The following HCN1 variants were observed in gnomAD, a reference collection of about 807,000 sequenced individuals.
HCN1 encodes hyperpolarization activated cyclic nucleotide gated potassium channel 1, also known as potassium/sodium hyperpolarization-activated cyclic nucleotide-gated channel 1.
A neutral mutation model predicts 78.9 loss-of-function variants in HCN1; 13 were observed. The observed-to-expected ratio is 0.16, with a 90% CI of 0.11 to 0.26. The LOEUF is 0.26. Among genes scored for constraint, HCN1 ranks in the 10% least tolerant of loss-of-function variants. The pLI is 1.00. For synonymous variants in HCN1, 552 were observed against 455.5 expected (o/e 1.21, Z -2.70); for missense variants, 810 against 1,154.3 (o/e 0.70, Z 4.32).
At chr5:45,441,538 C>T (rs1430626928) in intron 3 of HCN1, among the ~76,000 whole-genome samples, 1 of 152,172 alleles carries the variant, frequency 6.6e-6, no homozygotes, top group African/African-American at 2.4e-5. Flanking sequence ...CTTGCACATG[C>T]AATACTCTAC....
intron 4 of HCN1, among the ~76,000 whole-genome samples, chr5:45,371,374 G>C (rs997564827): frequency 6.6e-6 from 1 of 151,724 alleles, no homozygotes; most frequent in African/African-American, 2.4e-5. Context: ...TAAGTCGATA[G>C]ACCACCAGCT....
intron 1 of HCN1, among the ~76,000 whole-genome samples, chr5:45,687,796 C>A (rs528165360): frequency 1.3e-5 from 2 of 152,030 alleles, no homozygotes; most frequent in Non-Finnish European, 2.9e-5. Context: ...TGTACACATG[C>A]GGGAATTTTT....
chr5:45,607,929 AC>A (rs1156262180), intron 2 of HCN1, among the ~76,000 whole-genome samples: 1 of 151,820 alleles, frequency 6.6e-6, no homozygotes, highest in Non-Finnish European at 1.5e-5. Flanking sequence ...TCATAAAGAA[AC>A]AAAACTCTAA....
chr5:45,555,128 A>AT (rs1377204786), intron 2 of HCN1, among the ~76,000 whole-genome samples: 1 of 151,848 alleles, frequency 6.6e-6, no homozygotes, highest in Non-Finnish European at 1.5e-5. Flanking sequence ...AGATTATATG[A>AT]TTTTATATTT....
chr5:45,263,001 A>T (rs1744780178), intron 7 of HCN1, among the ~76,000 whole-genome samples, 191 bp from the exon 8 acceptor site: 1 of 152,142 alleles, frequency 6.6e-6, no homozygotes, highest in African/African-American at 2.4e-5. Context: ...TTTCTCTGGG[A>T]ACTCTTACCT....
intron 3 of HCN1, among the ~76,000 whole-genome samples, chr5:45,443,362 A>G (rs1417144790): frequency 6.6e-6 from 1 of 152,086 alleles, no homozygotes. Flanking sequence ...ATGAAAAAAT[A>G]CATTATCTAA....
intron 2 of HCN1, among the ~76,000 whole-genome samples, chr5:45,633,086 T>G (rs927776468): frequency 6.6e-6 from 1 of 151,946 alleles, no homozygotes; most frequent in Non-Finnish European, 1.5e-5. Context: ...AGAGAGGAAC[T>G]AGGTTCACTT....
At chr5:45,294,211 G>A (rs906575534) in intron 6 of HCN1, among the ~76,000 whole-genome samples, 5 of 151,756 alleles carry the variant, frequency 3.3e-5, no homozygotes, top group Admixed American at 1.3e-4. Flanking sequence ...GAATAGTCAC[G>A]GTGACCATGA....
At position 45,609,683 on chromosome 5, in the gene HCN1, C is replaced by T. The variant is rs557987781; in HGVS notation, c.849+35502G>A. Among the ~76,000 whole-genome samples the T allele has an allele frequency of 5.3e-5, 8 of 152,176 alleles. No individual in the cohort carries two copies. The East Asian group carries it at 7.7e-4, about 15-fold the overall frequency. ...GTCTCTGTGCCATACTATATATTCA[C>T]GCCAAGAAATGCACAGGTAAATGAG... is the stretch of plus-strand genomic sequence containing the variant. On this transcript the variant is annotated intron_variant, in intron 2 of 7. Transcript: ENST00000303230.
At chr5:45,632,268 C>T (rs1042324107) in intron 2 of HCN1, among the ~76,000 whole-genome samples, 5 of 151,100 alleles carry the variant, frequency 3.3e-5, no homozygotes, top group Admixed American at 3.3e-4. Flanking sequence ...TGATCCAATG[C>T]TAATGTTCCA....
intron 1 of HCN1, among the ~76,000 whole-genome samples, chr5:45,690,903 G>C (rs2112102493): frequency 6.6e-6 from 1 of 152,058 alleles, no homozygotes; most frequent in Non-Finnish European, 1.5e-5. Context: ...GAGCCCAATT[G>C]TTGTTTCTAA....
At chr5:45,411,819 A>T (rs1740029587) in intron 3 of HCN1, among the ~76,000 whole-genome samples, 1 of 152,076 alleles carries the variant, frequency 6.6e-6, no homozygotes. Context: ...ATATTACTTA[A>T]TGCCAACAGT....
intron 2 of HCN1, among the ~76,000 whole-genome samples, chr5:45,496,259 A>G (rs1245117246): frequency 7.2e-6 from 1 of 139,442 alleles, no homozygotes; most frequent in Admixed American, 7.3e-5. Context: ...TAAACTATTG[A>G]TTATTGCCAC....
chr5:45,523,468 C>G (rs2111784892), intron 2 of HCN1, among the ~76,000 whole-genome samples: 1 of 152,176 alleles, frequency 6.6e-6, no homozygotes, highest in East Asian at 1.9e-4. Flanking sequence ...AGTTTACAGT[C>G]CCACCAACAG....
intron 2 of HCN1, among the ~76,000 whole-genome samples, chr5:45,481,412 T>C (rs889381255): frequency 2.6e-5 from 4 of 152,162 alleles, no homozygotes; most frequent in African/African-American, 9.7e-5. Flanking sequence ...ATTTGGGCGA[T>C]GGAAACTAAG....
In HCN1 at chr5:45,261,795, C is replaced by T. The variant is rs1744739585; in HGVS notation, c.*126G>A. On this transcript the variant is annotated 3_prime_UTR_variant, in exon 8 of 8. Transcript: ENST00000303230. ...ATATTTTTACATTTCACGTGTAGGC[C>T]ACAGCTGTCTAAAATATCTCTTCAT... The T allele has an allele frequency of 1.7e-6, 2 of 1,174,924 alleles. No individual in the cohort carries two copies. Among genetic ancestry groups the T allele is most frequent in the African/African-American group, 1.5e-5 (1 of 66,464 alleles). 72.8% of individuals were successfully genotyped at this position (1,174,924 alleles called of 1,614,324 possible). A position where few individuals can be genotyped will look rare whatever the true frequency, so the allele number is the denominator to read the frequency against.
At chr5:45,580,806 G>A (rs928203828) in intron 2 of HCN1, among the ~76,000 whole-genome samples, 1 of 151,936 alleles carries the variant, frequency 6.6e-6, no homozygotes, top group East Asian at 1.9e-4. Flanking sequence ...TTTTGTCCTC[G>A]CGATAGTTTG....
At chr5:45,645,104 A>G (rs1745523753) in intron 2 of HCN1, 81 bp downstream of exon 2, 4 of 1,038,462 alleles carry the variant, frequency 3.9e-6, no homozygotes, top group Non-Finnish European at 5.8e-6. Flanking sequence ...CTCATTACAC[A>G]TTGCACAGTT....
rs567588705 is a variant in HCN1, at chr5:45,693,316, T to C, written c.425+2353A>G. ...AATGTAAACAAGTACATGATTATTT[T>C]TGCAGTTTGTTTTAGAACACCAGTG... On this transcript the variant is annotated intron_variant, in intron 1 of 7. Transcript: ENST00000303230. 1.8e-3 allele frequency among the ~76,000 whole-genome samples: 272 copies of C among 151,832 alleles called. 2 individuals are homozygous for C. The highest frequency in any genetic ancestry group is 3.4e-3 in the Middle Eastern group (1 of 294).
Sources: allele counts gnomAD v4.1 joint callset (sites outside exome capture counted in the v4.1 genomes callset), GRCh38; gene constraint gnomAD v4.1.1; transcripts MANE v1.5; gene names NCBI Gene and HGNC (gene_info 2026-07-23, HGNC 2026-07-21).